Variants in DMXL2 observed in about 807,000 individuals in gnomAD.
DMXL2 encodes the protein dmX-like protein 2.
In DMXL2, 103 loss-of-function variants were observed where a neutral mutation model predicts 331.1. The ratio of observed to expected loss-of-function variants is 0.31; its 90% CI spans 0.27 to 0.37. The LOEUF is 0.37. Among genes scored for constraint, DMXL2 ranks in the 10% least tolerant of loss-of-function variants. DMXL2 has a pLI of 1.00. For synonymous variants in DMXL2, 1,281 were observed against 1,252.1 expected (o/e 1.02, Z -0.49); for missense variants, 3,171 against 3,642.9 (o/e 0.87, Z 3.33).
At chr15:51,506,441 G>T (rs148726110) in intron 16 of DMXL2, among the ~76,000 whole-genome samples, 2,463 of 142,934 alleles carry the variant, frequency 0.017, 23 homozygotes, top group Middle Eastern at 0.045. Flanking sequence ...TCATCAAACA[G>T]CAATTCTGCT....
chr15:51,619,089 T>C (rs2054471134), intron 1 of DMXL2, among the ~76,000 whole-genome samples: 1 of 152,214 alleles, frequency 6.6e-6, no homozygotes, highest in Non-Finnish European at 1.5e-5. Context: ...GTTTAAAAAA[T>C]AGCCAAGGAC....
At chr15:51,537,846 A>G (rs904983604) in intron 10 of DMXL2, 87 bp from the exon 11 acceptor site, 13 of 1,372,640 alleles carry the variant, frequency 9.5e-6, no homozygotes, top group Admixed American at 2.7e-5. Flanking sequence ...CTATCTTTAA[A>G]AACTAAATCT....
intron 13 of DMXL2, among the ~76,000 whole-genome samples, chr15:51,534,005 T>G (rs1442040002): frequency 6.6e-6 from 1 of 151,968 alleles, no homozygotes. Flanking sequence ...TGAAATGTAA[T>G]AGGAAAAATA....
intron 13 of DMXL2, among the ~76,000 whole-genome samples, chr15:51,521,708 T>A (rs1173254962): frequency 6.6e-6 from 1 of 152,142 alleles, no homozygotes; most frequent in African/African-American, 2.4e-5. Flanking sequence ...TTCTTCTAAT[T>A]TACCACTTAT....
At chr15:51,569,105 C>T (rs538708162) in intron 2 of DMXL2, among the ~76,000 whole-genome samples, 93 of 152,334 alleles carry the variant, frequency 6.1e-4, no homozygotes, top group African/African-American at 2.1e-3. Context: ...CCATGGTCTT[C>T]ACAACCAGCA....
At chr15:51,597,432 T>C (rs2052905462) in intron 1 of DMXL2, among the ~76,000 whole-genome samples, 2 of 152,220 alleles carry the variant, frequency 1.3e-5, no homozygotes, top group Admixed American at 6.5e-5. Flanking sequence ...AATCATACTG[T>C]ATGCTTTTGT....
intron 23 of DMXL2, among the ~76,000 whole-genome samples, chr15:51,484,015 A>T (rs2042210100): frequency 6.6e-6 from 1 of 151,946 alleles, no homozygotes; most frequent in Non-Finnish European, 1.5e-5. Context: ...CAGCTAACAT[A>T]GTACCAGACC....
chr15:51,498,565 A>G lies in DMXL2; in HGVS notation c.4659T>C (p.Asp1553=), dbSNP rs750227992. ...GAGAATATTTACCTGAGCAACTCTT[A>G]TCTCTGCTTTCATCAAGCTCAGTAC... is the stretch of plus-strand genomic sequence containing the variant. ...TTSTELDESR[D]KSCSGRDTLD... The change falls in exon 18 of 44, where the codon GAT becomes GAC. Residue 1553 remains aspartate (D), a synonymous_variant. Transcript: ENST00000560891. The G allele has an allele frequency of 6.2e-7, 1 of 1,609,870 alleles. No homozygotes were observed. Among genetic ancestry groups the G allele is most frequent in the Non-Finnish European group, 8.5e-7 (1 of 1,178,338 alleles).
In DMXL2 at chr15:51,500,048, TCTC is replaced by T. The variant is rs1835843944; in HGVS notation, c.3173_3175del (p.Gly1058del). The T allele has an allele frequency of 1.2e-6, 2 of 1,614,132 alleles. No individual in the cohort carries two copies. Among genetic ancestry groups the T allele is most frequent in the Non-Finnish European group, 1.7e-6 (2 of 1,180,022 alleles). ...AATGCTCACTGTACTGCTATTATCT[TCTC>T]CTTCATCATTCATCAAAGGCCATCT... On this transcript the variant is annotated inframe_deletion, in exon 18 of 44. Coordinates refer to ENST00000560891, the MANE Select transcript of DMXL2 (RefSeq NM_001378457.1).
chr15:51,591,049 C>T (rs1472532649), intron 1 of DMXL2, among the ~76,000 whole-genome samples: 2 of 152,082 alleles, frequency 1.3e-5, no homozygotes, highest in Non-Finnish European at 2.9e-5. Flanking sequence ...ACTGAGGTAC[C>T]GGGTTCATCT....
At chr15:51,596,571 G>C (rs1414213850) in intron 1 of DMXL2, among the ~76,000 whole-genome samples, 6 of 152,138 alleles carry the variant, frequency 3.9e-5, no homozygotes, top group African/African-American at 7.2e-5. Context: ...CCATTACTGG[G>C]TATATACCCA....
intron 15 of DMXL2, among the ~76,000 whole-genome samples, chr15:51,511,662 C>T (rs1188438359): frequency 9.9e-5 from 15 of 152,148 alleles, no homozygotes. Flanking sequence ...ACCAGAAATA[C>T]CATTTGACCC....
Position 51,498,762 on chromosome 15 carries a change from T to G in DMXL2, c.4462A>C (p.Lys1488Gln). ...PTDDIDLEPEKRENKSKVINL... is the reference protein window; with the variant it reads ...PTDDIDLEPEQRENKSKVINL... ...ATTACTTTTGATTTGTTTTCTCTCTTTTCAGGCTCTAAATCAATATCATCC... is the reference window on the plus strand; with the variant it reads ...ATTACTTTTGATTTGTTTTCTCTCTGTTCAGGCTCTAAATCAATATCATCC... The change falls in exon 18 of 44, where the codon AAG (lysine) becomes CAG (glutamine). Residue 1488 changes from lysine to glutamine, a missense_variant. Transcript: ENST00000560891. 6.2e-7 allele frequency: 1 copy of G among 1,614,184 alleles called. No individual in the cohort carries two copies. Among genetic ancestry groups the G allele is most frequent in the Non-Finnish European group, 8.5e-7 (1 of 1,180,028 alleles).
chr15:51,557,371 GA>G (rs1438777163), intron 6 of DMXL2, among the ~76,000 whole-genome samples: 1 of 151,796 alleles, frequency 6.6e-6, no homozygotes, highest in Non-Finnish European at 1.5e-5. Context: ...CATTACTGAG[GA>G]AAAAAAGGTC....
chr15:51,607,437 C>T (rs937130776), intron 1 of DMXL2, among the ~76,000 whole-genome samples: 2 of 151,696 alleles, frequency 1.3e-5, no homozygotes, highest in African/African-American at 4.8e-5. Flanking sequence ...GCCTGAGCGA[C>T]AGAGCGAGAC....
In DMXL2 at chr15:51,499,040, A is replaced by T. The variant is rs1489453076; in HGVS notation, c.4184T>A (p.Leu1395His). 1 of 1,613,918 alleles carries T rather than the reference A, an allele frequency of 6.2e-7. No homozygotes were observed. Among genetic ancestry groups the T allele is most frequent in the Admixed American group, 1.7e-5 (1 of 60,016 alleles). Residue 1395 changes from leucine to histidine, a missense_variant, in exon 18 of 44, where the codon CTC (leucine) becomes CAC (histidine). Around this residue, in one of 7 missense-constraint regions of DMXL2, gnomAD observed 1,674 missense variants for 1,780.2 expected, o/e 0.94. Coordinates refer to ENST00000560891, the MANE Select transcript of DMXL2 (RefSeq NM_001378457.1). ...GCCACTTACACTAATAGTTCGAGAGAGATGTCGCTTAGTTCCTTCTCCAGC... is the reference window on the plus strand; with the variant it reads ...GCCACTTACACTAATAGTTCGAGAGTGATGTCGCTTAGTTCCTTCTCCAGC... The part of the protein sequence containing the change: ...PDAGEGTKRH[L>H]SRTISVSGST...
At chr15:51,581,491 A>G (rs551540035) in intron 1 of DMXL2, among the ~76,000 whole-genome samples, 30 of 152,194 alleles carry the variant, frequency 2.0e-4, no homozygotes, top group Non-Finnish European at 4.1e-4. Context: ...AAGCACTGAT[A>G]AGGGAGTATT....
intron 28 of DMXL2, among the ~76,000 whole-genome samples, chr15:51,473,356 T>C (rs1379505237): frequency 6.6e-6 from 1 of 152,220 alleles, no homozygotes; most frequent in Non-Finnish European, 1.5e-5. Flanking sequence ...CATGGATGAT[T>C]TGATGGATAA....
chr15:51,604,620 C>CATAT (rs1236203413), intron 1 of DMXL2, among the ~76,000 whole-genome samples: 2 of 152,096 alleles, frequency 1.3e-5, no homozygotes, highest in African/African-American at 2.4e-5. Context: ...TAAATATAGA[C>CATAT]ATATGTTCAT....
Sources: allele counts gnomAD v4.1 joint callset (sites outside exome capture counted in the v4.1 genomes callset), GRCh38; gene constraint gnomAD v4.1.1; regional missense constraint gnomAD v4.1.1; transcripts MANE v1.5; gene names NCBI Gene and HGNC (gene_info 2026-07-23, HGNC 2026-07-21).